The following MORC1 variants were observed in gnomAD, a reference collection of about 807,000 sequenced individuals.
MORC1 encodes the protein MORC family CW-type zinc finger protein 1.
Under a neutral mutation model 134.9 loss-of-function variants are expected in MORC1, and 59 were observed. The observed-to-expected ratio is 0.44, with a 90% confidence interval of 0.35 to 0.54. The LOEUF (loss-of-function observed/expected upper bound fraction) is 0.54, where lower values mean the gene tolerates loss of function less well. Among genes scored for constraint, MORC1 ranks in the 20% least tolerant of loss-of-function variants. The pLI is 0.00. For missense variants in MORC1, 947 were observed against 1,134.5 expected (o/e 0.83, Z 2.37); for synonymous variants, 395 against 391.7 (o/e 1.01, Z -0.10).
At chr3:108,960,351 C>T (rs1328904604) in intron 27 of MORC1, among the ~76,000 whole-genome samples, 1 of 152,158 alleles carries the variant, frequency 6.6e-6, no homozygotes, top group East Asian at 1.9e-4. Flanking sequence ...AAGAGCAAAG[C>T]TTTCAATGGA....
intron 9 of MORC1, among the ~76,000 whole-genome samples, chr3:109,064,165 T>C (rs555590966): frequency 5.3e-5 from 8 of 152,140 alleles, no homozygotes; most frequent in Non-Finnish European, 1.2e-4. Context: ...ATATAATGTA[T>C]AGAAAACAAT....
intron 18 of MORC1, 93 bp from the exon 19 acceptor site, chr3:109,005,408 T>C (rs1032509648): frequency 7.8e-5 from 90 of 1,161,050 alleles, no homozygotes; most frequent in Non-Finnish European, 9.7e-5. Flanking sequence ...TAATAGGTAT[T>C]TCTTATTACT....
At position 109,110,795 on chromosome 3, in the gene MORC1, A is replaced by T. The variant is rs529785708; in HGVS notation, c.120-12T>A. ...CAGCCCCTGCATCTCTGGAAACAAT[A>T]CAAAAATATTATTTCTTCAATATGA... is the stretch of plus-strand genomic sequence containing the variant. On this transcript the variant is annotated splice_polypyrimidine_tract_variant and intron_variant, in intron 2 of 27. Transcript: ENST00000232603. 2 of 1,581,308 alleles carry T rather than the reference A, an allele frequency of 1.3e-6. No homozygotes were observed. Among genetic ancestry groups the T allele is most frequent in the African/African-American group, 2.7e-5 (2 of 73,224 alleles).
At chr3:109,102,743 T>C (rs1406139922) in intron 4 of MORC1, among the ~76,000 whole-genome samples, 2 of 152,202 alleles carry the variant, frequency 1.3e-5, no homozygotes, top group Non-Finnish European at 2.9e-5. Flanking sequence ...ATATATCACA[T>C]ATATTCTGTC....
chr3:108,981,451 C>T (rs1320000515), intron 23 of MORC1, among the ~76,000 whole-genome samples: 1 of 152,082 alleles, frequency 6.6e-6, no homozygotes, highest in Non-Finnish European at 1.5e-5. Context: ...TACACAATGT[C>T]TGAATGCTCA....
At chr3:109,090,003 C>T (rs1192235155) in intron 8 of MORC1, among the ~76,000 whole-genome samples, 1 of 152,124 alleles carries the variant, frequency 6.6e-6, no homozygotes, top group African/African-American at 2.4e-5. Context: ...TGGCACTCTC[C>T]GTAAGTCATA....
intron 27 of MORC1, among the ~76,000 whole-genome samples, chr3:108,961,125 A>C (rs1217671004): frequency 6.6e-6 from 1 of 152,188 alleles, no homozygotes; most frequent in Non-Finnish European, 1.5e-5. Flanking sequence ...CTGAACGAAC[A>C]GATAAGAGGA....
intron 7 of MORC1, among the ~76,000 whole-genome samples, chr3:109,093,750 G>A (rs934259492): frequency 6.6e-6 from 1 of 152,178 alleles, no homozygotes; most frequent in African/African-American, 2.4e-5. Context: ...AGTTTCTACA[G>A]TATGGTGCCT....
At chr3:109,050,154 G>A (rs1949787577) in intron 14 of MORC1, among the ~76,000 whole-genome samples, 1 of 152,160 alleles carries the variant, frequency 6.6e-6, no homozygotes, top group Non-Finnish European at 1.5e-5. Context: ...TACAGACTGT[G>A]GGCTCCTGGC....
At chr3:109,042,151 G>A (rs1002095638) in intron 14 of MORC1, among the ~76,000 whole-genome samples, 5 of 152,150 alleles carry the variant, frequency 3.3e-5, no homozygotes, top group Non-Finnish European at 5.9e-5. Context: ...AACCCAGTCG[G>A]TGGGAAGTAA....
At chr3:108,969,068 C>T (rs1383075160) in intron 26 of MORC1, among the ~76,000 whole-genome samples, 1 of 151,680 alleles carries the variant, frequency 6.6e-6, no homozygotes, top group East Asian at 1.9e-4. Flanking sequence ...CCCAGGAAAT[C>T]CTTAAGGACT....
At chr3:109,013,278 T>C (rs999695498) in intron 17 of MORC1, among the ~76,000 whole-genome samples, 13 of 152,194 alleles carry the variant, frequency 8.5e-5, no homozygotes, top group Admixed American at 7.9e-4. Flanking sequence ...TTTGTTTTTT[T>C]AAACATGTCA....
chr3:109,041,567 G>C lies in MORC1; in HGVS notation c.1331-6099C>G, dbSNP rs528459894. ...CTCTACTAAAAATGCAAAAAAATTA[G>C]CCCGGGCGCCATGGCTCAAGCCTGT... On this transcript the variant is annotated intron_variant, in intron 14 of 27. Coordinates refer to ENST00000232603, the MANE Select transcript of MORC1 (RefSeq NM_014429.4). 5.3e-5 allele frequency among the ~76,000 whole-genome samples: 8 copies of C among 152,034 alleles called. No individual in the cohort carries two copies. The East Asian group carries it at 1.6e-3, about 30-fold the overall frequency.
intron 14 of MORC1, chr3:109,049,271 T>G (rs927120768): frequency 6.3e-6 from 2 of 317,644 alleles, no homozygotes; most frequent in Admixed American, 6.5e-5. Context: ...ATTGTCTATG[T>G]TTTAAGGAAA....
At chr3:109,004,689 G>A in intron 20 of MORC1, 128 bp downstream of exon 20, 1 of 870,364 alleles carries the variant, frequency 1.1e-6, no homozygotes, top group South Asian at 1.9e-5. Context: ...CTTGATTACA[G>A]GGTAACAATA....
At chr3:109,109,698 C>T (rs759606617) in intron 3 of MORC1, 1 of 152,304 alleles carries the variant, frequency 6.6e-6, no homozygotes, top group Non-Finnish European at 1.5e-5. Context: ...AGCTCACTCA[C>T]CTACTGGTCA....
intron 17 of MORC1, among the ~76,000 whole-genome samples, chr3:109,011,523 TG>T (rs1222145496): frequency 5.3e-5 from 8 of 150,454 alleles, no homozygotes; most frequent in Admixed American, 1.3e-4. Flanking sequence ...GCTTTGTTTT[TG>T]TTTTTTTTTT....
At chr3:109,034,367 A>G (rs994798053) in intron 15 of MORC1, among the ~76,000 whole-genome samples, 1 of 152,126 alleles carries the variant, frequency 6.6e-6, no homozygotes, top group Non-Finnish European at 1.5e-5. Context: ...TTAGTTACAG[A>G]TATTAGAGAC....
At chr3:109,049,094 C>G (rs1001164077) in intron 14 of MORC1, 15 of 962,546 alleles carry the variant, frequency 1.6e-5, no homozygotes, top group Non-Finnish European at 1.6e-5. Context: ...AAACTTGTCT[C>G]ATATTCTCAC....
Sources: gnomAD v4.1 joint callset for allele counts (sites outside exome capture counted in the v4.1 genomes callset) on GRCh38, gnomAD v4.1.1 for gene constraint, MANE v1.5 for transcripts, NCBI Gene and HGNC (gene_info 2026-07-23, HGNC 2026-07-21) for gene names.